The following RBFOX1 variants were observed in gnomAD, a reference collection of about 807,000 sequenced individuals.
RBFOX1 encodes the protein RNA binding fox-1 homolog 1.
RBFOX1 carries 8 observed loss-of-function variants against 57.7 expected under a neutral mutation model. The observed-to-expected ratio is 0.14, with a 90% CI of 0.08 to 0.25. The LOEUF (loss-of-function observed/expected upper bound fraction) is 0.25, where lower values mean the gene tolerates loss of function less well. RBFOX1 is among the 10% of genes least tolerant of loss of function. RBFOX1 has a pLI of 1.00. For missense variants in RBFOX1, 611 were observed against 548.5 expected (o/e 1.11, Z -1.14); for synonymous variants, 326 against 222.4 (o/e 1.47, Z -4.15).
At chr16:6,904,643 A>G (rs1057036594) in intron 3 of RBFOX1, among the ~76,000 whole-genome samples, 15 of 151,000 alleles carry the variant, frequency 9.9e-5, no homozygotes, top group Admixed American at 2.0e-4. Context: ...AAGAAGAAAG[A>G]AAAATTCATA....
intron 2 of RBFOX1, among the ~76,000 whole-genome samples, chr16:6,588,082 T>C (rs1252086350): frequency 6.6e-6 from 1 of 151,434 alleles, no homozygotes; most frequent in African/African-American, 2.4e-5. Flanking sequence ...AATACAAAAA[T>C]TAGCTGGGCG....
intron 4 of RBFOX1, among the ~76,000 whole-genome samples, chr16:7,194,093 C>T (rs7206551): frequency 0.59 from 90,088 of 151,716 alleles, 26,865 homozygotes; most frequent in Middle Eastern, 0.64. Context: ...TATTCTCTTT[C>T]CATTTCTCTT....
At chr16:7,175,632 C>T (rs983484955) in intron 4 of RBFOX1, among the ~76,000 whole-genome samples, 12 of 152,182 alleles carry the variant, frequency 7.9e-5, no homozygotes, top group Admixed American at 5.2e-4. Context: ...CATTATCTCA[C>T]CCCAACAGCT....
At chr16:5,629,296 A>G (rs1282305835) in intron 3 of RBFOX1, among the ~76,000 whole-genome samples, 1 of 152,190 alleles carries the variant, frequency 6.6e-6, no homozygotes, top group Non-Finnish European at 1.5e-5. Flanking sequence ...ATTTAACAAC[A>G]TTTAGGGCTC....
chr16:5,283,391 C>T (rs1166911428), intron 1 of RBFOX1, among the ~76,000 whole-genome samples: 1 of 152,150 alleles, frequency 6.6e-6, no homozygotes, highest in Non-Finnish European at 1.5e-5. Flanking sequence ...ATGGTGGATT[C>T]ACTGACAGCT....
At chr16:7,207,314 G>C (rs1303413803) in intron 4 of RBFOX1, among the ~76,000 whole-genome samples, 2 of 152,140 alleles carry the variant, frequency 1.3e-5, no homozygotes, top group Non-Finnish European at 2.9e-5. Context: ...AGTCATGCAT[G>C]TTTCTGACCA....
At position 7,701,492 on chromosome 16, in the gene RBFOX1, C is replaced by T. The variant is rs182610614; in HGVS notation, c.996-7564C>T. On this transcript the variant is annotated intron_variant, in intron 14 of 15. Transcript: ENST00000550418. ...TTTTGAGAATCTAATGCCTGATGAT[C>T]TGAAGTGGAACAGTTTTTTTTCCTG... 1.3e-5 allele frequency among the ~76,000 whole-genome samples: 2 copies of T among 152,190 alleles called. 1 individual carries two copies. Among genetic ancestry groups the T allele is most frequent in the African/African-American group, 4.8e-5 (2 of 41,440 alleles).
intron 5 of RBFOX1, chr16:7,519,778 T>G (rs2077126290): frequency 5.4e-6 from 5 of 922,726 alleles, no homozygotes; most frequent in Non-Finnish European, 6.5e-6. Context: ...TGAAGGAGTT[T>G]ATGGCTTTGA....
intron 3 of RBFOX1, among the ~76,000 whole-genome samples, chr16:5,846,008 A>G (rs922004196): frequency 6.6e-6 from 1 of 152,076 alleles, no homozygotes; most frequent in Non-Finnish European, 1.5e-5. Flanking sequence ...CCCTATCTCT[A>G]CTAAAAATAC....
rs543896073 is a variant in RBFOX1 at position 6,366,948 on chromosome 16, C to T, written c.-64+49891C>T. ...GTGTCACCTTTCACAAGGAGCATTT[C>T]CTACACTGTGAAAGTGCACATGACA... On this transcript the variant is annotated intron_variant, in intron 2 of 15. Transcript: ENST00000550418. 2.6e-5 allele frequency among the ~76,000 whole-genome samples: 4 copies of T among 152,290 alleles called. No homozygotes were observed. The South Asian group carries it at 8.3e-4, about 32-fold the overall frequency.
intron 1 of RBFOX1, among the ~76,000 whole-genome samples, chr16:5,257,829 C>A (rs915259712): frequency 6.6e-6 from 1 of 151,862 alleles, no homozygotes; most frequent in Non-Finnish European, 1.5e-5. Flanking sequence ...GGTCAGATCT[C>A]AAAAAAATCA....
intron 1 of RBFOX1, among the ~76,000 whole-genome samples, chr16:6,066,056 G>C (rs1418113971): frequency 1.3e-5 from 2 of 152,096 alleles, no homozygotes; most frequent in African/African-American, 4.8e-5. Flanking sequence ...AGCACTTTGG[G>C]AGGCCGAGGA....
chr16:5,937,752 TAC>T (rs1482558224), intron 4 of RBFOX1, among the ~76,000 whole-genome samples: 1 of 149,292 alleles, frequency 6.7e-6, no homozygotes, highest in African/African-American at 2.4e-5. Flanking sequence ...TATAAATATG[TAC>T]AGATACAAAT....
intron 3 of RBFOX1, among the ~76,000 whole-genome samples, chr16:6,873,748 A>C (rs975457158): frequency 1.3e-5 from 2 of 152,180 alleles, no homozygotes; most frequent in Admixed American, 6.5e-5. Flanking sequence ...TGAAAATCAG[A>C]TCCACAAGTG....
At chr16:6,633,101 G>A (rs548918339) in intron 2 of RBFOX1, among the ~76,000 whole-genome samples, 1 of 152,270 alleles carries the variant, frequency 6.6e-6, no homozygotes, top group East Asian at 1.9e-4. Context: ...TTGGAAGAAA[G>A]TTGCAGCGAT....
intron 1 of RBFOX1, among the ~76,000 whole-genome samples, chr16:5,352,844 G>T (rs1170026639): frequency 2.6e-5 from 4 of 152,170 alleles, no homozygotes; most frequent in African/African-American, 9.7e-5. Context: ...TCAGAAGGCT[G>T]AGGCAAGAGG....
intron 4 of RBFOX1, among the ~76,000 whole-genome samples, chr16:5,958,361 G>A (rs1196416670): frequency 6.6e-6 from 1 of 152,192 alleles, no homozygotes; most frequent in East Asian, 1.9e-4. Context: ...AAGCCTCCTT[G>A]CAGTGTTGTC....
chr16:6,829,800 C>T (rs1352862006), intron 3 of RBFOX1, among the ~76,000 whole-genome samples: 1 of 152,154 alleles, frequency 6.6e-6, no homozygotes, highest in Admixed American at 6.5e-5. Flanking sequence ...TAGGATTTCG[C>T]CACGTTGGCC....
intron 4 of RBFOX1, among the ~76,000 whole-genome samples, chr16:7,493,159 G>A (rs1417539966): frequency 3.9e-5 from 6 of 152,200 alleles, no homozygotes; most frequent in East Asian, 1.9e-4. Context: ...GATTACAGGC[G>A]TGAAGCCACT....
Sources: allele counts gnomAD v4.1 joint callset (sites outside exome capture counted in the v4.1 genomes callset), GRCh38; gene constraint gnomAD v4.1.1; transcripts MANE v1.5; gene names NCBI Gene and HGNC (gene_info 2026-07-23, HGNC 2026-07-21).